The following ZNF518A variants were observed in gnomAD, a reference collection of about 807,000 sequenced individuals.
The protein encoded by ZNF518A is zinc finger protein 518.
ZNF518A carries 47 observed loss-of-function variants against 102.7 expected under a neutral mutation model. The observed-to-expected ratio is 0.46, with a 90% CI of 0.36 to 0.58. ZNF518A has a LOEUF of 0.58. Among genes scored for constraint, ZNF518A ranks in the 20% least tolerant of loss-of-function variants. ZNF518A has a pLI of 0.00. For missense variants in ZNF518A, 1,793 were observed against 1,699.8 expected, an observed-to-expected ratio of 1.05 and a Z score of -0.96; for synonymous variants, 652 against 594.6, an observed-to-expected ratio of 1.10 and a Z score of -1.40.
intron 3 of ZNF518A, among the ~76,000 whole-genome samples, chr10:96,150,655 A>G (rs2082394715): frequency 7.4e-6 from 1 of 135,646 alleles, no homozygotes; most frequent in Admixed American, 7.3e-5. Flanking sequence ...TTTTTTCAAT[A>G]TGCTAGATCT....
exon 2 of ZNF518A, chr10:96,203,581 T>C (rs1564816198): frequency 6.5e-6 from 1 of 152,990 alleles, no homozygotes; most frequent in Non-Finnish European, 1.5e-5. Flanking sequence ...TAGGGTGATG[T>C]TTGCCTTGGA....
At chr10:96,138,334 A>G (rs1204855931) in intron 3 of ZNF518A, among the ~76,000 whole-genome samples, 1 of 152,102 alleles carries the variant, frequency 6.6e-6, no homozygotes, top group African/African-American at 2.4e-5. Flanking sequence ...TCCCCTTGTT[A>G]CTTCTCTGAC....
chr10:96,180,510 A>G (rs2083233643), intron 1 of ZNF518A, among the ~76,000 whole-genome samples: 1 of 147,154 alleles, frequency 6.8e-6, no homozygotes, highest in Non-Finnish European at 1.5e-5. Context: ...CCCACCCCAC[A>G]ATAGGCCCCA....
downstream of ZNF518A, among the ~76,000 whole-genome samples, chr10:96,164,200 CAG>C (rs587751701): frequency 1.7e-3 from 252 of 152,310 alleles, 1 homozygote; most frequent in African/African-American, 5.6e-3. Flanking sequence ...GAATTAAAAA[CAG>C]AATATTATAT....
chr10:96,133,305 G>T (rs911043878), intron 2 of ZNF518A, among the ~76,000 whole-genome samples: 1 of 152,102 alleles, frequency 6.6e-6, no homozygotes, highest in Non-Finnish European at 1.5e-5. Flanking sequence ...TGTACCTAAA[G>T]AAAAATTATC....
In ZNF518A at chr10:96,142,349, TG is replaced by T. The variant is rs1554876876; in HGVS notation, c.-302+8702del. ...GTGTGTGTGTGTGTGTGTGTGTGTG[TG>T]TGTGTTTCTAGATTCCTTTTAGCAG... is the stretch of plus-strand genomic sequence containing the variant. On this transcript the variant is annotated intron_variant, in intron 3 of 5. Transcript: ENST00000316045. Among the ~76,000 whole-genome samples, 313 of 147,546 alleles carry T rather than the reference TG, an allele frequency of 2.1e-3. 1 individual carries two copies. The highest frequency in any genetic ancestry group is 6.9e-3 in the Middle Eastern group (2 of 288).
intron 1 of ZNF518A, among the ~76,000 whole-genome samples, chr10:96,181,688 T>C (rs1251246538): frequency 1.3e-5 from 2 of 152,226 alleles, no homozygotes; most frequent in Non-Finnish European, 2.9e-5. Flanking sequence ...TCTGTTCTGT[T>C]CCATTGGTCT....
chr10:96,186,966 T>G (rs1031253002), intron 1 of ZNF518A, among the ~76,000 whole-genome samples: 1 of 152,210 alleles, frequency 6.6e-6, no homozygotes, highest in Non-Finnish European at 1.5e-5. Flanking sequence ...TTGGCTATTT[T>G]GTCCATGGAT....
chr10:96,199,951 GAGGC>G lies in ZNF518A; in HGVS notation n.36-3616_36-3613del, dbSNP rs1348471715. 1.7e-5 allele frequency: 9 copies of G among 543,092 alleles called. No homozygotes were observed. In the African/African-American group the frequency reaches 1.8e-4, roughly 11 times the overall value. 33.6% of individuals were successfully genotyped at this position (543,092 alleles called of 1,614,324 possible). On this transcript the variant is annotated intron_variant and non_coding_transcript_variant, in intron 1 of 2. Transcript: ENST00000442635. Reference sequence around the variant, plus strand: ...AGGCATGAGAATCACTTGAACTTGGGAGGCAGGCAGAGGTTGCAGTGAGCTGAGA... The same window carrying G: ...AGGCATGAGAATCACTTGAACTTGGGAGGCAGAGGTTGCAGTGAGCTGAGA...
chr10:96,197,613 C>CA (rs1251275242), intron 1 of ZNF518A, among the ~76,000 whole-genome samples: 1 of 152,140 alleles, frequency 6.6e-6, no homozygotes, highest in Non-Finnish European at 1.5e-5. Flanking sequence ...AAAAATGTAT[C>CA]AAACAAATTC....
rs2133930828 is a variant in ZNF518A at position 96,196,791 on chromosome 10, G to A, written n.36-6783G>A. The A allele has an allele frequency of 5.1e-6, 5 of 980,734 alleles. No homozygotes were observed. The East Asian group carries it at 1.0e-4, about 20-fold the overall frequency. The allele number at this position is 980,734 out of a possible 1,614,324, so 60.8% of individuals were successfully genotyped here. A position where few individuals can be genotyped will look rare whatever the true frequency, so the allele number is the denominator to read the frequency against. ...CTTGTTCTCTATGACATTTATGCAA[G>A]CATTAGAACAAGTACTTTTGTATCC... On this transcript the variant is annotated intron_variant and non_coding_transcript_variant, in intron 1 of 2. Transcript: ENST00000442635.
downstream of ZNF518A, among the ~76,000 whole-genome samples, chr10:96,166,874 C>T (rs1176943415): frequency 1.3e-5 from 2 of 152,158 alleles, no homozygotes; most frequent in African/African-American, 2.4e-5. Context: ...AGAGGACTGA[C>T]CAGAGAGAAC....
chr10:96,155,454 G>A lies in ZNF518A; in HGVS notation c.-251+78G>A, dbSNP rs1284933331. 2.0e-5 allele frequency: 3 copies of A among 152,292 alleles called. No homozygotes were observed. In the East Asian group the frequency reaches 5.8e-4, roughly 29 times the overall value. The allele number at this position is 152,292 out of a possible 1,614,324, so 9.4% of individuals were successfully genotyped here. ...CAAGGGCTTTTCCTTGCTGTCATCT[G>A]GCTTGAGTTCTGAGGATATAAATTC... On this transcript the variant is annotated intron_variant, in intron 4 of 5. Transcript: ENST00000316045.
At chr10:96,183,863 T>C (rs1301016652) in intron 1 of ZNF518A, among the ~76,000 whole-genome samples, 1 of 152,212 alleles carries the variant, frequency 6.6e-6, no homozygotes, top group Non-Finnish European at 1.5e-5. Context: ...AAGTCCTGGA[T>C]ATCATTGTTA....
At chr10:96,204,938 CATTT>C, downstream of ZNF518A, 1 of 355,314 alleles carries the variant, frequency 2.8e-6, no homozygotes. Context: ...AAGATGAGAA[CATTT>C]TAGCCACCCT....
downstream of ZNF518A, among the ~76,000 whole-genome samples, chr10:96,164,717 T>C (rs587693469): frequency 1.3e-5 from 2 of 152,162 alleles, no homozygotes; most frequent in East Asian, 3.8e-4. Context: ...GTGGAAAAAA[T>C]ATAATGTACA....
chr10:96,138,775 T>G (rs1554875429), intron 3 of ZNF518A, among the ~76,000 whole-genome samples: 3 of 152,204 alleles, frequency 2.0e-5, no homozygotes, highest in South Asian at 4.1e-4. Context: ...GCATCCCACA[T>G]GCTGGTGATG....
intron 1 of ZNF518A, among the ~76,000 whole-genome samples, chr10:96,202,601 C>T (rs1260428638): frequency 1.3e-5 from 2 of 152,048 alleles, no homozygotes; most frequent in African/African-American, 2.4e-5. Flanking sequence ...AAGGCAGCCA[C>T]CATTGTAAGA....
At chr10:96,141,456 G>A (rs1193658081) in intron 3 of ZNF518A, among the ~76,000 whole-genome samples, 2 of 152,164 alleles carry the variant, frequency 1.3e-5, no homozygotes, top group Non-Finnish European at 2.9e-5. Context: ...CAGAACAAAG[G>A]TAAATAAAGG....
Sources: allele counts gnomAD v4.1 joint callset (sites outside exome capture counted in the v4.1 genomes callset), GRCh38; gene constraint gnomAD v4.1.1; transcripts MANE v1.5; gene names NCBI Gene and HGNC (gene_info 2026-07-23, HGNC 2026-07-21).